The following RIMS2 variants were observed in gnomAD, a reference collection of about 807,000 sequenced individuals.
The protein encoded by RIMS2 is regulating synaptic membrane exocytosis protein 2.
RIMS2 carries 59 observed loss-of-function variants against 174.4 expected under a neutral mutation model. The ratio of observed to expected loss-of-function variants is 0.34; its 90% CI spans 0.27 to 0.42. RIMS2 has a LOEUF of 0.42. Among genes scored for constraint, RIMS2 ranks in the 10% least tolerant of loss-of-function variants. The pLI, the probability that RIMS2 is intolerant of heterozygous loss-of-function variation, is 1.00. For missense variants in RIMS2, 1,620 were observed against 1,666.3 expected (o/e 0.97, Z 0.48); for synonymous variants, 606 against 572.5 (o/e 1.06, Z -0.84).
intron 1 of RIMS2, among the ~76,000 whole-genome samples, chr8:103,608,842 G>A (rs1186087001): frequency 6.6e-6 from 1 of 152,206 alleles, no homozygotes; most frequent in Non-Finnish European, 1.5e-5. Flanking sequence ...GCCTCGCCCT[G>A]CTTTGGCTCG....
intron 23 of RIMS2, 138 bp from the exon 30 acceptor site, chr8:104,251,464 A>G (rs2140315594): frequency 1.6e-6 from 1 of 636,152 alleles, no homozygotes; most frequent in Non-Finnish European, 2.8e-6. Context: ...AAAGACAACT[A>G]TTCTATTATG....
intron 3 of RIMS2, among the ~76,000 whole-genome samples, chr8:103,792,064 A>T (rs537715806): frequency 6.6e-6 from 1 of 152,302 alleles, no homozygotes; most frequent in East Asian, 1.9e-4. Context: ...CTCTGCACCA[A>T]GCGGACTTAA....
chr8:104,203,489 CTG>C (rs904298652), intron 19 of RIMS2, among the ~76,000 whole-genome samples: 2 of 140,792 alleles, frequency 1.4e-5, no homozygotes, highest in African/African-American at 5.3e-5. Flanking sequence ...GGACTAGACA[CTG>C]TACTTTTTTT....
chr8:103,792,638 T>A (rs900478906), intron 3 of RIMS2, among the ~76,000 whole-genome samples: 553 of 8,658 alleles, frequency 0.064, 7 homozygotes, highest in African/African-American at 0.17. Context: ...CAGGAGCTGG[T>A]TTTTTTTTTT....
chr8:104,155,715 G>C (rs1285180261), intron 19 of RIMS2, among the ~76,000 whole-genome samples: 1 of 152,050 alleles, frequency 6.6e-6, no homozygotes, highest in African/African-American at 2.4e-5. Context: ...GCCGGCCTTG[G>C]GGGTGTTAGT....
At chr8:104,224,437 A>G (rs1354464227) in intron 19 of RIMS2, among the ~76,000 whole-genome samples, 1 of 152,206 alleles carries the variant, frequency 6.6e-6, no homozygotes, top group Non-Finnish European at 1.5e-5. Flanking sequence ...ATAACATAAC[A>G]TGTATTTTCT....
At chr8:103,511,917 C>T (rs56961432) in intron 1 of RIMS2, among the ~76,000 whole-genome samples, 1 of 152,216 alleles carries the variant, frequency 6.6e-6, no homozygotes, top group African/African-American at 2.4e-5. Context: ...GAGATTCAGC[C>T]CTCATTGGAG....
intron 3 of RIMS2, among the ~76,000 whole-genome samples, chr8:103,846,751 A>G (rs1017339879): frequency 2.0e-5 from 3 of 152,122 alleles, no homozygotes; most frequent in African/African-American, 7.2e-5. Context: ...TGTGCTCACA[A>G]TTTCTGTAAA....
chr8:103,537,046 G>A (rs34067668), intron 1 of RIMS2, among the ~76,000 whole-genome samples: 17,664 of 152,130 alleles, frequency 0.12, 1,366 homozygotes, highest in Non-Finnish European at 0.17. Context: ...CAGGCACTGG[G>A]GATACATAGA....
At chr8:103,518,368 T>TAA (rs1216947759) in intron 1 of RIMS2, among the ~76,000 whole-genome samples, 1 of 147,570 alleles carries the variant, frequency 6.8e-6, no homozygotes, top group African/African-American at 2.5e-5. Flanking sequence ...GCTGATGAGC[T>TAA]AAAAAAAAAA....
chr8:103,939,930 C>T (rs1007308450), intron 13 of RIMS2, among the ~76,000 whole-genome samples: 4 of 152,152 alleles, frequency 2.6e-5, no homozygotes, highest in African/African-American at 9.7e-5. Flanking sequence ...AATAACTCAG[C>T]CTGGACTTTA....
In RIMS2 at chr8:103,806,518, C is replaced by T. The variant is rs180938400; in HGVS notation, c.698+39981C>T. On this transcript the variant is annotated intron_variant, in intron 3 of 23. Coordinates refer to ENST00000504942, the Ensembl canonical transcript of RIMS2. ...AAAAGCCTTGGATGAAACAGTGCATCACATCTCTTTTCTGTAGACGGAGGA... is the reference window on the plus strand; with the variant it reads ...AAAAGCCTTGGATGAAACAGTGCATTACATCTCTTTTCTGTAGACGGAGGA... Among the ~76,000 whole-genome samples the T allele has an allele frequency of 3.6e-3, 542 of 152,100 alleles. 10 individuals carry two copies. The highest frequency in any genetic ancestry group is 0.013 in the Admixed American group (204 of 15,244).
chr8:103,593,048 G>A (rs554284839), intron 1 of RIMS2, among the ~76,000 whole-genome samples: 1 of 151,440 alleles, frequency 6.6e-6, no homozygotes, highest in East Asian at 1.9e-4. Context: ...TTTACATTTG[G>A]ATGTTTGAAG....
At chr8:103,952,596 C>G (rs2085773861) in intron 14 of RIMS2, among the ~76,000 whole-genome samples, 2 of 152,112 alleles carry the variant, frequency 1.3e-5, no homozygotes, top group South Asian at 4.1e-4. Flanking sequence ...CTCAGAGACC[C>G]CATCTGAAGG....
chr8:103,609,699 G>A (rs58774639), intron 1 of RIMS2, among the ~76,000 whole-genome samples: 7,323 of 152,144 alleles, frequency 0.048, 587 homozygotes, highest in African/African-American at 0.17. Flanking sequence ...TGGCCTATGT[G>A]TCTTTGTAAC....
At chr8:104,032,816 CT>C (rs2096427914) in intron 19 of RIMS2, among the ~76,000 whole-genome samples, 1 of 151,982 alleles carries the variant, frequency 6.6e-6, no homozygotes, top group African/African-American at 2.4e-5. Context: ...AAAAATTAAA[CT>C]AGTCTTTAAC....
At chr8:103,591,992 G>T (rs986376647) in intron 1 of RIMS2, among the ~76,000 whole-genome samples, 4 of 151,174 alleles carry the variant, frequency 2.6e-5, no homozygotes, top group Admixed American at 6.6e-5. Flanking sequence ...TATTTGGAAA[G>T]AATTGACATT....
intron 19 of RIMS2, among the ~76,000 whole-genome samples, chr8:104,050,309 C>T (rs1238164889): frequency 6.6e-6 from 1 of 152,072 alleles, no homozygotes; most frequent in African/African-American, 2.4e-5. Context: ...TACAAGATCT[C>T]CCCTCATGGA....
chr8:103,836,603 A>G lies in RIMS2; in HGVS notation c.699-48695A>G, dbSNP rs151281449. ...TAAATAAATAAAATTTCCTATGCCAATGTATTTTTTTGCAGTAAGTTTCTC... is the reference window on the plus strand; with the variant it reads ...TAAATAAATAAAATTTCCTATGCCAGTGTATTTTTTTGCAGTAAGTTTCTC... On this transcript the variant is annotated intron_variant, in intron 3 of 23. Coordinates refer to ENST00000504942, the Ensembl canonical transcript of RIMS2. 5.8e-3 allele frequency among the ~76,000 whole-genome samples: 881 copies of G among 152,324 alleles called. 31 individuals carry two copies. Among genetic ancestry groups the G allele is most frequent in the Admixed American group, 0.053 (814 of 15,300 alleles).
Sources: gnomAD v4.1 joint callset for allele counts (sites outside exome capture counted in the v4.1 genomes callset) on GRCh38, gnomAD v4.1.1 for gene constraint, MANE v1.5 for transcripts, NCBI Gene and HGNC (gene_info 2026-07-23, HGNC 2026-07-21) for gene names.